The following PRIM1 variants were observed in gnomAD, a reference collection of about 807,000 sequenced individuals.
The protein encoded by PRIM1 is DNA primase small subunit.
Under a neutral mutation model 60.2 loss-of-function variants are expected in PRIM1, and 38 were observed. The observed-to-expected ratio is 0.63, with a 90% CI of 0.49 to 0.83. The LOEUF is 0.83. PRIM1 is among the 40% of genes least tolerant of loss of function. The probability of loss-of-function intolerance (pLI) is 0.00; values close to 1 mark genes in which losing one functional copy is unlikely to be tolerated. For missense variants in PRIM1, 388 were observed against 506.2 expected (o/e 0.77, Z 2.24); for synonymous variants, 158 against 160.2 (o/e 0.99, Z 0.10).
At position 56,743,162 on chromosome 12, in the gene PRIM1, G is replaced by A. The variant is rs560551770; in HGVS notation, c.639-66C>T. On this transcript the variant is annotated intron_variant, in intron 6 of 12. Coordinates refer to ENST00000338193, the MANE Select transcript of PRIM1 (RefSeq NM_000946.3). ...GTAACACATATGCCACATAGGTATT[G>A]CTGCCATTGTGGGGAAAACTACTGC... The A allele has an allele frequency of 1.0e-4, 146 of 1,409,070 alleles. 1 individual carries two copies. Among genetic ancestry groups the A allele is most frequent in the South Asian group, 3.9e-4 (25 of 64,448 alleles). The allele number at this position is 1,409,070 out of a possible 1,614,324, so 87.3% of individuals were successfully genotyped here. A position where few individuals can be genotyped will look rare whatever the true frequency, so the allele number is the denominator to read the frequency against.
At chr12:56,747,103 A>G (rs1312139002) in intron 2 of PRIM1, 71 bp from the exon 3 acceptor site, 1 of 1,285,252 alleles carries the variant, frequency 7.8e-7, no homozygotes, top group African/African-American at 1.5e-5. Context: ...TTTTCTACAC[A>G]TATGGAAAAA....
At chr12:56,740,884 G>A (rs930366831) in intron 9 of PRIM1, among the ~76,000 whole-genome samples, 10 of 152,172 alleles carry the variant, frequency 6.6e-5, no homozygotes, top group Non-Finnish European at 1.0e-4. Flanking sequence ...CACCATCACA[G>A]CTCACTGCAG....
In PRIM1 at chr12:56,752,293, C is replaced by T; in HGVS notation, c.6G>A (p.Glu2=). M[E]TFDPTELPEL... ...CGGGCAGCTCGGTGGGGTCAAACGTCTCCATTGAGCGCGGAACTCGCCACG... is the reference window on the plus strand; with the variant it reads ...CGGGCAGCTCGGTGGGGTCAAACGTTTCCATTGAGCGCGGAACTCGCCACG... Residue 2 remains glutamate, a synonymous_variant, in exon 1 of 13, where the codon GAG becomes GAA. Coordinates refer to ENST00000338193, the MANE Select transcript of PRIM1 (RefSeq NM_000946.3). The T allele has an allele frequency of 1.9e-6, 3 of 1,576,960 alleles. No homozygotes were observed. The highest frequency in any genetic ancestry group is 1.4e-5 in the African/African-American group (1 of 74,014).
chr12:56,745,123 A>G (rs1005276176), intron 5 of PRIM1, among the ~76,000 whole-genome samples: 11 of 151,272 alleles, frequency 7.3e-5, no homozygotes, highest in African/African-American at 2.7e-4. Context: ...AAAAAAAAAA[A>G]TTTGTAGGCT....
At chr12:56,745,983 A>AT in intron 5 of PRIM1, 62 bp downstream of exon 5, 2 of 1,474,008 alleles carry the variant, frequency 1.4e-6, no homozygotes, top group Non-Finnish European at 9.1e-7. Flanking sequence ...GACAGTAAAC[A>AT]TATCAGGCTT....
rs1435916026 is a variant in PRIM1, at chr12:56,738,489, A to G, written c.1089T>C (p.Asn363=). 1.9e-6 allele frequency: 3 copies of G among 1,586,166 alleles called. No homozygotes were observed. Among genetic ancestry groups the G allele is most frequent in the African/African-American group, 2.7e-5 (2 of 74,486 alleles). ...ICRELDAIST[N]EEEKEENEAE... ...CTTCATTCTCCTCTTTTTCCTCTTCATTAGTGGAAATGGCATCCAATTCAC... is the reference window on the plus strand; with the variant it reads ...CTTCATTCTCCTCTTTTTCCTCTTCGTTAGTGGAAATGGCATCCAATTCAC... Residue 363 remains asparagine (N), a synonymous_variant, in exon 11 of 13, where the codon AAT becomes AAC. Coordinates refer to ENST00000338193, the MANE Select transcript of PRIM1 (RefSeq NM_000946.3).
chr12:56,743,864 G>GC (rs2137864639), intron 6 of PRIM1: 1 of 449,678 alleles, frequency 2.2e-6, no homozygotes, highest in East Asian at 3.3e-5. Flanking sequence ...CAAGTCTCTT[G>GC]TGGGGTTTTT....
rs1208119348 is a variant in PRIM1 at position 56,734,062 on chromosome 12, CAAAG to C, written c.1243+81_1243+84del. 4 of 873,632 alleles carry C rather than the reference CAAAG, an allele frequency of 4.6e-6. No individual in the cohort carries two copies. The Admixed American group carries it at 8.6e-5, about 19-fold the overall frequency. 54.1% of individuals were successfully genotyped at this position (873,632 alleles called of 1,614,324 possible). On this transcript the variant is annotated intron_variant, in intron 12 of 12. Coordinates refer to ENST00000338193, the MANE Select transcript of PRIM1 (RefSeq NM_000946.3). The stretch of plus-strand genomic sequence containing the variant: ...AAATCTGTAAATTTTGGGAGGAGGG[CAAAG>C]AAAGACTAGAACTCAAAAATTGCTC...
chr12:56,740,179 C>T (rs1467956103), intron 9 of PRIM1, among the ~76,000 whole-genome samples: 1 of 151,744 alleles, frequency 6.6e-6, no homozygotes, highest in Non-Finnish European at 1.5e-5. Context: ...AACCAATAAG[C>T]AAATGTGAAG....
At chr12:56,746,665 CACACACACACAAAT>C in intron 4 of PRIM1, 102 bp downstream of exon 4, 4 of 842,644 alleles carry the variant, frequency 4.7e-6, no homozygotes, top group South Asian at 1.6e-5. Flanking sequence ...CACACACACA[CACACACACACAAAT>C]TAATGAGATT....
intron 11 of PRIM1, among the ~76,000 whole-genome samples, chr12:56,736,129 C>G (rs1953826892): frequency 6.6e-6 from 1 of 150,492 alleles, no homozygotes; most frequent in African/African-American, 2.4e-5. Flanking sequence ...GAAACCCTGT[C>G]TCTAGTAAAA....
At chr12:56,741,014 A>G (rs773385358) in intron 9 of PRIM1, among the ~76,000 whole-genome samples, 1 of 152,072 alleles carries the variant, frequency 6.6e-6, no homozygotes, top group Non-Finnish European at 1.5e-5. Flanking sequence ...GTGTTTAGAC[A>G]TGTGGCCTAG....
At chr12:56,742,768 G>A (rs887973803) in intron 7 of PRIM1, among the ~76,000 whole-genome samples, 7 of 152,068 alleles carry the variant, frequency 4.6e-5, no homozygotes, top group Admixed American at 3.9e-4. Context: ...TTAATTCTAG[G>A]ACCAACTTCC....
At chr12:56,749,273 T>G (rs1368056789) in intron 2 of PRIM1, among the ~76,000 whole-genome samples, 1 of 152,160 alleles carries the variant, frequency 6.6e-6, no homozygotes. Context: ...CCTCTCAAAG[T>G]GCTAGAGTTA....
chr12:56,750,353 G>C (rs1953937311), intron 2 of PRIM1, among the ~76,000 whole-genome samples: 1 of 152,080 alleles, frequency 6.6e-6, no homozygotes, highest in African/African-American at 2.4e-5. Context: ...TTATGGTAGA[G>C]CCAAAGGGAT....
At chr12:56,737,075 C>T (rs1274938153) in intron 11 of PRIM1, among the ~76,000 whole-genome samples, 2 of 151,430 alleles carry the variant, frequency 1.3e-5, no homozygotes, top group Admixed American at 6.6e-5. Flanking sequence ...GAGCAGTAAG[C>T]GAGCATTACC....
intron 9 of PRIM1, among the ~76,000 whole-genome samples, chr12:56,740,094 C>G (rs981727196): frequency 6.6e-6 from 1 of 151,882 alleles, no homozygotes; most frequent in Non-Finnish European, 1.5e-5. Context: ...CAAGATCGCG[C>G]CACTGTACTC....
chr12:56,748,737 C>G (rs1025703258), intron 2 of PRIM1, among the ~76,000 whole-genome samples: 2 of 151,930 alleles, frequency 1.3e-5, no homozygotes, highest in African/African-American at 4.8e-5. Flanking sequence ...GGGTGGATCA[C>G]TTGAGGTCAG....
intron 9 of PRIM1, 50 bp downstream of exon 9, chr12:56,741,385 A>C (rs1953871018): frequency 6.4e-7 from 1 of 1,556,766 alleles, no homozygotes; most frequent in Admixed American, 1.9e-5. Flanking sequence ...TACTAAAGCC[A>C]ATAGCAACTC....
Sources: allele counts gnomAD v4.1 joint callset (sites outside exome capture counted in the v4.1 genomes callset), GRCh38; gene constraint gnomAD v4.1.1; transcripts MANE v1.5; gene names NCBI Gene and HGNC (gene_info 2026-07-23, HGNC 2026-07-21).